Variants in ABCA10 observed in about 807,000 individuals in gnomAD.
ABCA10 encodes the protein ATP binding cassette subfamily A member 10.
ABCA10 carries 169 observed loss-of-function variants against 187.5 expected under a neutral mutation model. The ratio of observed to expected loss-of-function variants is 0.90; its 90% CI spans 0.80 to 1.02. The LOEUF is 1.02. Ranked by LOEUF, ABCA10 falls within the 50% of genes least tolerant of loss-of-function variation. The pLI, the probability that ABCA10 is intolerant of heterozygous loss-of-function variation, is 0.00. For synonymous variants in ABCA10, 574 were observed against 601.8 expected (o/e 0.95, Z 0.68); for missense variants, 1,727 against 1,812.4 (o/e 0.95, Z 0.86).
chr17:69,199,178 T>A (rs535662785), intron 10 of ABCA10, among the ~76,000 whole-genome samples: 1 of 152,268 alleles, frequency 6.6e-6, no homozygotes, highest in South Asian at 2.1e-4. Flanking sequence ...ACCTTAAGAG[T>A]CACCTCCTTT....
intron 17 of ABCA10, 49 bp downstream of exon 17, chr17:69,191,127 A>G (rs767313434): frequency 7.0e-7 from 1 of 1,422,082 alleles, no homozygotes; most frequent in Non-Finnish European, 9.3e-7. Context: ...TGCAGTCAGC[A>G]CAATCGTGAA....
At chr17:69,211,358 TATAC>T (rs199591047) in intron 9 of ABCA10, among the ~76,000 whole-genome samples, 49 of 26,080 alleles carry the variant, frequency 1.9e-3, no homozygotes, top group Non-Finnish European at 2.9e-3. Flanking sequence ...TATATATATA[TATAC>T]ACACACACCA....
upstream of ABCA10, among the ~76,000 whole-genome samples, chr17:69,232,514 T>C (rs1272580943): frequency 6.6e-6 from 1 of 152,158 alleles, no homozygotes; most frequent in Admixed American, 6.6e-5. Context: ...CTTAATTCCA[T>C]TCTCCTCCCA....
rs1357632771 is a variant in ABCA10 at position 69,192,672 on chromosome 17, T to C, written c.1781-19A>G. 6.3e-7 allele frequency: 1 copy of C among 1,585,606 alleles called. No individual in the cohort carries two copies. Among genetic ancestry groups the C allele is most frequent in the Admixed American group, 1.7e-5 (1 of 59,154 alleles). ...TTCCTATCTGAGTAGAAAGGAAGAT[T>C]CAAAAAATTATGTGAAGAGTAATTC... On this transcript the variant is annotated intron_variant, in intron 15 of 38. Transcript: ENST00000690296.
chr17:69,171,235 T>C (rs1431464288), intron 25 of ABCA10, among the ~76,000 whole-genome samples: 1 of 152,160 alleles, frequency 6.6e-6, no homozygotes, highest in Non-Finnish European at 1.5e-5. Flanking sequence ...TTCAATGAAA[T>C]GTTGAAATAA....
intron 28 of ABCA10, 55 bp from the exon 29 acceptor site, chr17:69,155,980 G>T: frequency 6.4e-7 from 1 of 1,551,282 alleles, no homozygotes; most frequent in Non-Finnish European, 8.7e-7. Context: ...CAACTGTTAA[G>T]AAAATGTAAA....
chr17:69,183,379 A>C (rs1406096326), intron 20 of ABCA10, among the ~76,000 whole-genome samples: 1 of 152,154 alleles, frequency 6.6e-6, no homozygotes, highest in Non-Finnish European at 1.5e-5. Context: ...AGTTGGTCAC[A>C]GGGAGAAGTC....
intron 11 of ABCA10, 44 bp downstream of exon 11, chr17:69,197,020 G>C (rs983658834): frequency 8.5e-6 from 12 of 1,408,730 alleles, no homozygotes; most frequent in Non-Finnish European, 1.2e-5. Flanking sequence ...GGGAGGGGGA[G>C]GGGGAGAGGG....
intron 3 of ABCA10, among the ~76,000 whole-genome samples, chr17:69,224,776 T>C (rs1449299657): frequency 6.6e-6 from 1 of 151,864 alleles, no homozygotes; most frequent in African/African-American, 2.4e-5. Context: ...TGATTTTAAA[T>C]AATTTTAAAT....
Position 69,207,888 on chromosome 17 carries a change from G to A in ABCA10, c.1007-6220C>T, listed in dbSNP as rs148247088. Reference sequence around the variant, plus strand: ...CATGTTGACTACAGCTAATAACAACGTATTTTGAAAATTGCTAAGAGAGTA... The same window carrying A: ...CATGTTGACTACAGCTAATAACAACATATTTTGAAAATTGCTAAGAGAGTA... On this transcript the variant is annotated intron_variant, in intron 9 of 38. Coordinates refer to ENST00000690296, the MANE Select transcript of ABCA10 (RefSeq NM_001377321.1). 6.5e-4 allele frequency among the ~76,000 whole-genome samples: 99 copies of A among 152,162 alleles called. 1 individual carries two copies. Among genetic ancestry groups the A allele is most frequent in the African/African-American group, 2.2e-3 (93 of 41,512 alleles).
chr17:69,154,370 ACTAAT>A (rs1310073532), intron 30 of ABCA10, 44 bp from the exon 31 acceptor site: 1 of 1,439,450 alleles, frequency 6.9e-7, no homozygotes, highest in South Asian at 1.2e-5. Flanking sequence ...TTCAAGGTTG[ACTAAT>A]CTAAAATTGC....
chr17:69,191,733 T>C (rs1198131096), intron 16 of ABCA10, among the ~76,000 whole-genome samples: 1 of 152,200 alleles, frequency 6.6e-6, no homozygotes, highest in African/African-American at 2.4e-5. Context: ...ACAATCATGA[T>C]AGGATATAAG....
intron 27 of ABCA10, among the ~76,000 whole-genome samples, chr17:69,162,643 T>C (rs2074225179): frequency 6.6e-6 from 1 of 152,072 alleles, no homozygotes; most frequent in African/African-American, 2.4e-5. Flanking sequence ...TCTTAAAATA[T>C]ATGTAAATGG....
intron 36 of ABCA10, among the ~76,000 whole-genome samples, chr17:69,151,670 C>T (rs932513771): frequency 5.9e-5 from 9 of 152,234 alleles, no homozygotes; most frequent in Non-Finnish European, 1.2e-4. Flanking sequence ...TGTTACGGAG[C>T]TCTTGATGCA....
At chr17:69,208,295 G>T (rs1043736914) in intron 9 of ABCA10, among the ~76,000 whole-genome samples, 8 of 151,740 alleles carry the variant, frequency 5.3e-5, no homozygotes, top group African/African-American at 1.7e-4. Context: ...GCAGGTGCCT[G>T]TAGTCCTAGC....
At chr17:69,168,706 G>T (rs564939457) in intron 25 of ABCA10, among the ~76,000 whole-genome samples, 14 of 152,174 alleles carry the variant, frequency 9.2e-5, no homozygotes, top group Non-Finnish European at 1.9e-4. Context: ...GTTGTGGAAG[G>T]GACCCAGTGG....
chr17:69,211,285 TATATATCATATATATACATC>T (rs1207855627), intron 9 of ABCA10, among the ~76,000 whole-genome samples: 5 of 92,550 alleles, frequency 5.4e-5, no homozygotes, highest in African/African-American at 1.6e-4. Flanking sequence ...CTATGGTATA[TATATATCATATATATACATC>T]ATATATATGA....
At position 69,187,750 on chromosome 17, in the gene ABCA10, C is replaced by T. The variant is rs774667106; in HGVS notation, c.2261G>A (p.Arg754Gln). 1.4e-5 allele frequency: 22 copies of T among 1,613,772 alleles called. No individual in the cohort carries two copies. The highest frequency in any genetic ancestry group is 3.3e-5 in the Admixed American group (2 of 60,008). ...KAVSSAALWR[R>Q]QIYAVATLRF... ...AAGTGTTGCCACTGCATAGATTTGT[C>T]GTCTCCAGAGAGCTGCACTACTGAC... The change falls in exon 19 of 39, where the codon CGA (arginine) becomes CAA (glutamine). Residue 754 changes from arginine (R) to glutamine (Q), a missense_variant. Transcript: ENST00000690296.
intron 9 of ABCA10, among the ~76,000 whole-genome samples, chr17:69,212,851 G>A (rs2074671032): frequency 6.6e-6 from 1 of 152,088 alleles, no homozygotes; most frequent in Non-Finnish European, 1.5e-5. Context: ...TTATGTGTTG[G>A]GTGAGTCTCT....
Sources: gnomAD v4.1 joint callset for allele counts (sites outside exome capture counted in the v4.1 genomes callset) on GRCh38, gnomAD v4.1.1 for gene constraint, MANE v1.5 for transcripts, NCBI Gene and HGNC (gene_info 2026-07-23, HGNC 2026-07-21) for gene names.